PIK3R2: variants seen among roughly 807,000 people sequenced by gnomAD.
PIK3R2 encodes the protein phosphatidylinositol 3-kinase regulatory subunit beta.
In PIK3R2, 40 loss-of-function variants were observed where a neutral mutation model predicts 78.5. The observed-to-expected ratio is 0.51, with a 90% CI of 0.40 to 0.66. The LOEUF (loss-of-function observed/expected upper bound fraction) is 0.66. Among genes scored for constraint, PIK3R2 ranks in the 30% least tolerant of loss-of-function variants. The pLI is 0.00. For missense variants in PIK3R2, 880 were observed against 1,026.6 expected (o/e 0.86, Z 1.95); for synonymous variants, 473 against 457.7 (o/e 1.03, Z -0.43).
At chr19:18,154,309 C>T (rs2043654909) in intron 1 of PIK3R2, among the ~76,000 whole-genome samples, 1 of 151,984 alleles carries the variant, frequency 6.6e-6, no homozygotes, top group Non-Finnish European at 1.5e-5. Context: ...CTGCCGGCAG[C>T]CTCCCCTCCT....
In PIK3R2 at chr19:18,162,000, G is replaced by A. The variant is rs1212577459; in HGVS notation, c.850G>A (p.Val284Met). The A allele has an allele frequency of 6.2e-7, 1 of 1,613,936 alleles. No individual in the cohort carries two copies. Among genetic ancestry groups the A allele is most frequent in the African/African-American group, 1.3e-5 (1 of 74,920 alleles). Reference protein sequence around the residue: ...EPSPDFPALLVEKLLQEHLEE... With the variant: ...EPSPDFPALLMEKLLQEHLEE... ...CAGCCCTGACTTCCCGGCGCTGCTG[G>A]TGGAGAAGCTGCTTCAGGAACACTT... Residue 284 changes from valine to methionine, a missense_variant, in exon 7 of 16, where the codon GTG (valine) becomes ATG (methionine). Physicochemically the swap from Val to Met is conservative, Grantham distance 21 (BLOSUM62 1). Transcript: ENST00000222254. This position sits in a 1 kb window ranked among gnomAD's most constrained non-coding sequence, Gnocchi z 5.3.
In PIK3R2 at chr19:18,155,893, A is replaced by T; in HGVS notation, c.14A>T (p.Glu5Val). 1 of 1,553,714 alleles carries T rather than the reference A, an allele frequency of 6.4e-7. No homozygotes were observed. Among genetic ancestry groups the T allele is most frequent in the Non-Finnish European group, 8.7e-7 (1 of 1,149,288 alleles). ...ACTCACGCGGCCATGGCGGGCCCTG[A>T]GGGCTTCCAGTACCGCGCTCTGTAC... MAGP[E>V]GFQYRALYPF... The change falls in exon 2 of 16, where the codon GAG (glutamate) becomes GTG (valine). Residue 5 changes from glutamate to valine, a missense_variant. Physicochemically the swap from Glu to Val is moderately radical, Grantham distance 121. Around this residue, in one of 3 missense-constraint regions of PIK3R2, gnomAD observed 456 missense variants for 486.6 expected, o/e 0.94. Coordinates refer to ENST00000222254, the MANE Select transcript of PIK3R2 (RefSeq NM_005027.4).
In PIK3R2 at chr19:18,161,714, C is replaced by T. The variant is rs925224710; in HGVS notation, c.815+219C>T. Among the ~76,000 whole-genome samples the T allele has an allele frequency of 6.6e-6, 1 of 152,300 alleles. No homozygotes were observed. Among genetic ancestry groups the T allele is most frequent in the South Asian group, 2.1e-4 (1 of 4,830 alleles). ...TCCCGAAGCATGTGGGTGGTGCCTG[C>T]ACCTTCCCTTCTGCTCGTCGCAGCT... On this transcript the variant is annotated intron_variant, in intron 6 of 15. Transcript: ENST00000222254. The surrounding 1 kb of genome is among the most constrained non-coding windows in gnomAD (Gnocchi z 5.3).
At chr19:18,158,419 A>G (rs1403521062) in intron 2 of PIK3R2, among the ~76,000 whole-genome samples, 1 of 151,062 alleles carries the variant, frequency 6.6e-6, no homozygotes, top group Non-Finnish European at 1.5e-5. Flanking sequence ...TGAACCCGGG[A>G]GATGGAGGTT....
In PIK3R2 at chr19:18,168,603, G is replaced by T; in HGVS notation, c.1808+57G>T. 1.2e-6 allele frequency: 1 copy of T among 858,048 alleles called. No individual in the cohort carries two copies. Among genetic ancestry groups the T allele is most frequent in the East Asian group, 2.4e-5 (1 of 41,394 alleles). The allele number at this position is 858,048 out of a possible 1,614,324, so 53.2% of individuals were successfully genotyped here. Reference sequence around the variant, plus strand: ...GCTTCCCAGAGGAGGGGGCCATTTGGGGTGGGTTTCGAAGAATGAGTAGGA... The same window carrying T: ...GCTTCCCAGAGGAGGGGGCCATTTGTGGTGGGTTTCGAAGAATGAGTAGGA... On this transcript the variant is annotated intron_variant, in intron 14 of 15. Transcript: ENST00000222254. This position sits in a 1 kb window ranked among gnomAD's most constrained non-coding sequence, Gnocchi z 4.1.
At chr19:18,162,092 C>G (rs1376739594) in intron 7 of PIK3R2, 41 bp downstream of exon 7, 2 of 1,574,606 alleles carry the variant, frequency 1.3e-6, no homozygotes, top group Non-Finnish European at 1.7e-6. Flanking sequence ...CCGTTGGGGG[C>G]CGTAAATACT....
intron 11 of PIK3R2, among the ~76,000 whole-genome samples, chr19:18,165,507 G>C (rs948337013): frequency 6.6e-6 from 1 of 152,138 alleles, no homozygotes; most frequent in African/African-American, 2.4e-5. Context: ...GCTCCAGCCT[G>C]GGCGACAAGA....
chr19:18,169,739 G>A lies in PIK3R2; in HGVS notation c.*445G>A, dbSNP rs545661494. 1 of 204,492 alleles carries A rather than the reference G, an allele frequency of 4.9e-6. No homozygotes were observed. Among genetic ancestry groups the A allele is most frequent in the East Asian group, 7.4e-5 (1 of 13,436 alleles). 12.7% of individuals were successfully genotyped at this position (204,492 alleles called of 1,614,324 possible). A position where few individuals can be genotyped will look rare whatever the true frequency, so the allele number is the denominator to read the frequency against. On this transcript the variant is annotated 3_prime_UTR_variant, in exon 16 of 16. Coordinates refer to ENST00000222254, the MANE Select transcript of PIK3R2 (RefSeq NM_005027.4). Reference sequence around the variant, plus strand: ...TTTTTAAGCCATAGACCTGGGGTCAGGGCAGGAAGGAACTTCACTCTGCTG... The same window carrying A: ...TTTTTAAGCCATAGACCTGGGGTCAAGGCAGGAAGGAACTTCACTCTGCTG...
At position 18,169,155 on chromosome 19, in the gene PIK3R2, A is replaced by G. The variant is rs1483549709; in HGVS notation, c.2048A>G (p.Tyr683Cys). The G allele has an allele frequency of 1.9e-6, 3 of 1,611,422 alleles. No homozygotes were observed. The highest frequency in any genetic ancestry group is 4.5e-5 in the East Asian group (2 of 44,864). ...TATGFGFAEP[Y>C]NLYGSLKELV... ...ACCGGCTTCGGCTTCGCGGAGCCCTACAACCTGTACGGGTCGCTGAAGGAG... is the reference window on the plus strand; with the variant it reads ...ACCGGCTTCGGCTTCGCGGAGCCCTGCAACCTGTACGGGTCGCTGAAGGAG... The change falls in exon 16 of 16, where the codon TAC becomes TGC. Residue 683 changes from tyrosine to cysteine, a missense_variant. Transcript: ENST00000222254.
rs1328424287 is a variant in PIK3R2 at position 18,168,736 on chromosome 19, C to T, written c.1819C>T (p.Leu607Phe). 1.2e-6 allele frequency: 2 copies of T among 1,613,010 alleles called. No individual in the cohort carries two copies. The highest frequency in any genetic ancestry group is 1.1e-5 in the South Asian group (1 of 91,058). ...CGCCCCCCACCCCAGCCAGTACGCA[C>T]TCATGGAGGACGAGGACGATCTCCC... ...IKNETEDQYA[L>F]MEDEDDLPHH... Residue 607 changes from leucine (L) to phenylalanine (F), a missense_variant, in exon 15 of 16, where the codon CTC (leucine) becomes TTC (phenylalanine). Around this residue, in one of 3 missense-constraint regions of PIK3R2, gnomAD observed 268 missense variants for 299.1 expected, o/e 0.90. Coordinates refer to ENST00000222254, the MANE Select transcript of PIK3R2 (RefSeq NM_005027.4). This position sits in a 1 kb window ranked among gnomAD's most constrained non-coding sequence, Gnocchi z 4.1.
In PIK3R2 at chr19:18,161,184, G is replaced by C. The variant is rs1333350899; in HGVS notation, c.597G>C (p.Arg199=). 1.3e-6 allele frequency: 2 copies of C among 1,545,544 alleles called. No homozygotes were observed. Among genetic ancestry groups the C allele is most frequent in the South Asian group, 1.2e-5 (1 of 83,876 alleles). Residue 199 remains arginine, a splice_region_variant and synonymous_variant, in exon 5 of 16, where the codon CGG becomes CGC. Transcript: ENST00000222254. This position sits in a 1 kb window ranked among gnomAD's most constrained non-coding sequence, Gnocchi z 5.3. ...CGGCCGAGGCGCGCCGGGCCCTGCGGGGTGAGCCTGGCGGGTAGCCCGGGG... is the reference window on the plus strand; with the variant it reads ...CGGCCGAGGCGCGCCGGGCCCTGCGCGGTGAGCCTGGCGGGTAGCCCGGGG... ...EASAEARRAL[R]EAAGPVGPAL... is the part of the protein sequence containing the mutation.
chr19:18,162,170 G>T, intron 7 of PIK3R2, 32 bp from the exon 8 acceptor site: 1 of 1,414,302 alleles, frequency 7.1e-7, no homozygotes, highest in Non-Finnish European at 1.0e-6. Context: ...TACAGTCGGT[G>T]CTCAGGATGC....
chr19:18,159,741 G>A (rs1184907533), intron 2 of PIK3R2, among the ~76,000 whole-genome samples: 1 of 151,540 alleles, frequency 6.6e-6, no homozygotes, highest in Non-Finnish European at 1.5e-5. Flanking sequence ...CACCGCACCC[G>A]GCCTGTTGAC....
Position 18,155,196 on chromosome 19 carries a change from C to CAA in PIK3R2, c.-423-242_-423-241dup, listed in dbSNP as rs34249019. Among the ~76,000 whole-genome samples the CAA allele has an allele frequency of 0.029, 3,162 of 108,646 alleles. 143 individuals carry two copies. Among genetic ancestry groups the CAA allele is most frequent in the African/African-American group, 0.08 (2,141 of 26,840 alleles). The allele number at this position is 108,646 out of a possible 152,430, so 71.3% of individuals were successfully genotyped here. On this transcript the variant is annotated intron_variant, in intron 1 of 15. Transcript: ENST00000222254. ...TGGGTGACAGAGCAAGACTCTATCT[C>CAA]AAAAAAAAAAAAAAAAAAAACTGAT...
At chr19:18,166,476 C>T (rs1377710748) in intron 12 of PIK3R2, among the ~76,000 whole-genome samples, 174 bp downstream of exon 12, 1 of 151,970 alleles carries the variant, frequency 6.6e-6, no homozygotes, top group South Asian at 2.1e-4. Flanking sequence ...TTTAGGAGGC[C>T]GAGGCGGGTG....
Position 18,167,395 on chromosome 19 carries a change from C to G in PIK3R2, c.1736+89C>G. ...TCTAGGAGTCTCAGTCTCTCTCTCT[C>G]CACCAAGTGGCCCTTCCTGGGCCCC... On this transcript the variant is annotated intron_variant, in intron 13 of 15. Transcript: ENST00000222254. The surrounding 1 kb of genome is among the most constrained non-coding windows in gnomAD (Gnocchi z 4.5). 1.7e-6 allele frequency: 2 copies of G among 1,187,132 alleles called. No homozygotes were observed. The highest frequency in any genetic ancestry group is 2.3e-6 in the Non-Finnish European group (2 of 876,292). 73.5% of individuals were successfully genotyped at this position (1,187,132 alleles called of 1,614,324 possible). A position where few individuals can be genotyped will look rare whatever the true frequency, so the allele number is the denominator to read the frequency against.
Position 18,167,351 on chromosome 19 carries a change from T to C in PIK3R2, c.1736+45T>C. 1 of 1,475,670 alleles carries C rather than the reference T, an allele frequency of 6.8e-7. No homozygotes were observed. The highest frequency in any genetic ancestry group is 1.3e-5 in the South Asian group (1 of 75,354). The allele number at this position is 1,475,670 out of a possible 1,614,324, so 91.4% of individuals were successfully genotyped here. A position where few individuals can be genotyped will look rare whatever the true frequency, so the allele number is the denominator to read the frequency against. On this transcript the variant is annotated intron_variant, in intron 13 of 15. Transcript: ENST00000222254. The surrounding 1 kb of genome is among the most constrained non-coding windows in gnomAD (Gnocchi z 4.5). ...TTCCCTGCGGCTCCCTGGCGACTGCTGCGGCACATGGAGATCTCTCTAGGA... is the reference window on the plus strand; with the variant it reads ...TTCCCTGCGGCTCCCTGGCGACTGCCGCGGCACATGGAGATCTCTCTAGGA...
At chr19:18,164,151 A>T (rs2147954518) in intron 11 of PIK3R2, among the ~76,000 whole-genome samples, 1 of 152,272 alleles carries the variant, frequency 6.6e-6, no homozygotes, top group African/African-American at 2.4e-5. Flanking sequence ...ATTAAAATAA[A>T]AAAATAAGTG....
chr19:18,160,947 G>T lies in PIK3R2; in HGVS notation c.444G>T (p.Pro148=), dbSNP rs369698998. ...TGGACAGCGAATCTCACTACCGCCC[G>T]GAGCTGCCCGCACCGCGTACAGGTG... ...TGLDSESHYR[P]ELPAPRTDWS... is the part of the protein sequence containing the mutation. Residue 148 remains proline (P), a synonymous_variant, in exon 4 of 16, where the codon CCG becomes CCT. Coordinates refer to ENST00000222254, the MANE Select transcript of PIK3R2 (RefSeq NM_005027.4). 3.2e-5 allele frequency: 51 copies of T among 1,612,032 alleles called. No individual in the cohort carries two copies. Among genetic ancestry groups the T allele is most frequent in the Non-Finnish European group, 4.2e-5 (50 of 1,179,514 alleles).
Sources: allele counts gnomAD v4.1 joint callset (sites outside exome capture counted in the v4.1 genomes callset), GRCh38; gene constraint gnomAD v4.1.1; regional missense constraint gnomAD v4.1.1; non-coding constraint Gnocchi (gnomAD v3.1); transcripts MANE v1.5; gene names NCBI Gene and HGNC (gene_info 2026-07-23, HGNC 2026-07-21).